The following NBAS variants were observed in gnomAD, a reference collection of about 807,000 sequenced individuals.
NBAS encodes the protein NBAS subunit of NRZ tethering complex, also known as NAG/BC035112 fusion.
In NBAS, 219 loss-of-function variants were observed where a neutral mutation model predicts 302.5. The observed-to-expected ratio is 0.72, with a 90% CI of 0.65 to 0.81. NBAS has a LOEUF of 0.81. NBAS is among the 30% of genes least tolerant of loss of function. The probability of loss-of-function intolerance (pLI) is 0.00; values close to 1 mark genes in which losing one functional copy is unlikely to be tolerated. For missense variants in NBAS, 2,932 were observed against 2,841.6 expected (o/e 1.03, Z -0.72); for synonymous variants, 1,118 against 1,021.6 (o/e 1.09, Z -1.80).
the NBAS span, among the ~76,000 whole-genome samples, chr2:14,906,411 C>A: frequency 6.6e-6 from 1 of 152,358 alleles, no homozygotes; most frequent in Non-Finnish European, 1.5e-5. Context: ...ATCTCATTGA[C>A]CCCTCAGTCT....
At chr2:15,073,542 T>C in the NBAS span, among the ~76,000 whole-genome samples, 1 of 152,154 alleles carries the variant, frequency 6.6e-6, no homozygotes, top group South Asian at 2.1e-4. Flanking sequence ...TTCTATTTTT[T>C]GGCTGTATCC....
At chr2:15,058,688 G>A in the NBAS span, among the ~76,000 whole-genome samples, 1 of 152,200 alleles carries the variant, frequency 6.6e-6, no homozygotes, top group Admixed American at 6.5e-5. Flanking sequence ...ATAGAAAGCA[G>A]CTGGGATTAT....
At position 15,551,487 on chromosome 2, in the gene NBAS, T is replaced by A; in HGVS notation, c.379+6A>T. On this transcript the variant is annotated splice_donor_region_variant and intron_variant, in intron 6 of 51. Transcript: ENST00000281513. ...TTCATTCTTTAAATATTTTGGAAACTCTTACCTTGACATTTCCCAATAATG... is the reference window on the plus strand; with the variant it reads ...TTCATTCTTTAAATATTTTGGAAACACTTACCTTGACATTTCCCAATAATG... 1 of 1,604,120 alleles carries A rather than the reference T, an allele frequency of 6.2e-7. No homozygotes were observed. Among genetic ancestry groups the A allele is most frequent in the South Asian group, 1.1e-5 (1 of 89,904 alleles).
In NBAS at chr2:15,167,229, A is replaced by G. The variant is rs1372579690; in HGVS notation, c.6935T>C (p.Ile2312Thr). The G allele has an allele frequency of 1.2e-6, 2 of 1,614,272 alleles. No homozygotes were observed. The highest frequency in any genetic ancestry group is 1.7e-6 in the Non-Finnish European group (2 of 1,180,050). ...KCVSTPFYPR[I>T]VDHLLASLQQ... is the part of the protein sequence containing the mutation. ...GAGGCTAGCCAAGAGGTGGTCAACAATACGTGGATAGAAGGGAGTGGAGAC... is the reference window on the plus strand; with the variant it reads ...GAGGCTAGCCAAGAGGTGGTCAACAGTACGTGGATAGAAGGGAGTGGAGAC... Residue 2312 changes from isoleucine to threonine, a missense_variant, in exon 52 of 52, where the codon ATT (isoleucine) becomes ACT (threonine). Coordinates refer to ENST00000281513, the MANE Select transcript of NBAS (RefSeq NM_015909.4).
chr2:15,520,634 A>T (rs956509135), intron 9 of NBAS, among the ~76,000 whole-genome samples: 1 of 152,134 alleles, frequency 6.6e-6, no homozygotes, highest in African/African-American at 2.4e-5. Context: ...GACAATATGT[A>T]AAACAAAAAA....
At chr2:15,486,631 T>C (rs1650093814) in intron 12 of NBAS, among the ~76,000 whole-genome samples, 1 of 151,956 alleles carries the variant, frequency 6.6e-6, no homozygotes, top group African/African-American at 2.4e-5. Context: ...ATTTCTGAGG[T>C]CCCCCCCTTT....
intron 26 of NBAS, among the ~76,000 whole-genome samples, chr2:15,400,214 G>A (rs1676080946): frequency 6.6e-6 from 1 of 150,944 alleles, no homozygotes; most frequent in African/African-American, 2.4e-5. Flanking sequence ...TCAAAAGGAA[G>A]AGAGCGAGAA....
At chr2:14,810,052 A>G in the NBAS span, among the ~76,000 whole-genome samples, 1 of 152,172 alleles carries the variant, frequency 6.6e-6, no homozygotes, top group Non-Finnish European at 1.5e-5. Flanking sequence ...CTGTACTCTC[A>G]TTTTATCTAG....
At chr2:15,518,301 T>C (rs1325320519) in intron 9 of NBAS, among the ~76,000 whole-genome samples, 2 of 152,160 alleles carry the variant, frequency 1.3e-5, no homozygotes, top group African/African-American at 4.8e-5. Context: ...ACTACTAAAA[T>C]AATTATTAGA....
the NBAS span, among the ~76,000 whole-genome samples, chr2:15,158,730 C>A: frequency 6.6e-6 from 1 of 152,154 alleles, no homozygotes; most frequent in Non-Finnish European, 1.5e-5. Context: ...TCTTTGGTGG[C>A]TGAGTCATGA....
In NBAS at chr2:15,216,646, T is replaced by C. The variant is rs75696876; in HGVS notation, c.6432+2127A>G. ...AAGTTACAACTTGTTTCTTGAGTAA[T>C]TAGAACATCGACAAAAGCTTAAAGG... On this transcript the variant is annotated intron_variant, in intron 48 of 51. Transcript: ENST00000281513. Among the ~76,000 whole-genome samples, 1,102 of 152,312 alleles carry C rather than the reference T, an allele frequency of 7.2e-3. 14 individuals carry two copies. The highest frequency in any genetic ancestry group is 0.026 in the African/African-American group (1,065 of 41,566).
intron 47 of NBAS, among the ~76,000 whole-genome samples, chr2:15,220,251 G>A (rs1451034503): frequency 1.3e-5 from 2 of 151,506 alleles, no homozygotes; most frequent in Non-Finnish European, 2.9e-5. Context: ...CAGTAGGGGC[G>A]GCCGGGCAGA....
At chr2:14,792,084 C>T in the NBAS span, among the ~76,000 whole-genome samples, 2 of 152,090 alleles carry the variant, frequency 1.3e-5, no homozygotes, top group Non-Finnish European at 2.9e-5. Context: ...CTCCCACCCC[C>T]TCAGGCAGCA....
At chr2:15,101,823 A>G in the NBAS span, among the ~76,000 whole-genome samples, 1 of 152,250 alleles carries the variant, frequency 6.6e-6, no homozygotes, top group African/African-American at 2.4e-5. Flanking sequence ...TGGAAGCAGA[A>G]TTAGGTTCAA....
At chr2:15,377,222 A>C (rs771339864) in intron 30 of NBAS, among the ~76,000 whole-genome samples, 2 of 152,136 alleles carry the variant, frequency 1.3e-5, no homozygotes, top group Non-Finnish European at 2.9e-5. Flanking sequence ...AAAGATGAAC[A>C]CCCCAAAAGA....
the NBAS span, among the ~76,000 whole-genome samples, chr2:14,912,719 A>ATTTTT: frequency 7.7e-4 from 54 of 69,912 alleles, no homozygotes; most frequent in African/African-American, 3.0e-3. Context: ...AAAAAAAAAA[A>ATTTTT]AAAAAAAAAG....
At chr2:15,413,787 G>A (rs1676794532) in intron 25 of NBAS, among the ~76,000 whole-genome samples, 1 of 152,164 alleles carries the variant, frequency 6.6e-6, no homozygotes, top group Non-Finnish European at 1.5e-5. Flanking sequence ...ATATGTTGCA[G>A]GAAGACAACA....
the NBAS span, among the ~76,000 whole-genome samples, chr2:14,882,842 C>T: frequency 0.015 from 2,252 of 152,218 alleles, 61 homozygotes; most frequent in African/African-American, 0.051. Flanking sequence ...TGTTAATGAT[C>T]GTGTCAAAAA....
intron 28 of NBAS, among the ~76,000 whole-genome samples, chr2:15,391,932 G>C (rs1317272098): frequency 1.4e-5 from 2 of 146,268 alleles, no homozygotes; most frequent in African/African-American, 5.0e-5. Context: ...TATATACCAA[G>C]TGAATATATC....
Sources: allele counts gnomAD v4.1 joint callset (sites outside exome capture counted in the v4.1 genomes callset), GRCh38; gene constraint gnomAD v4.1.1; transcripts MANE v1.5; gene names NCBI Gene and HGNC (gene_info 2026-07-23, HGNC 2026-07-21).